The following RNGTT variants were observed in gnomAD, a reference collection of about 807,000 sequenced individuals.
RNGTT encodes the protein mRNA-capping enzyme.
A neutral mutation model predicts 79.3 loss-of-function variants in RNGTT; 33 were observed. The observed-to-expected ratio is 0.42, with a 90% CI of 0.32 to 0.56. RNGTT has a LOEUF of 0.56. Among genes scored for constraint, RNGTT ranks in the 20% least tolerant of loss-of-function variants. The pLI, the probability that RNGTT is intolerant of heterozygous loss-of-function variation, is 0.17. For missense variants in RNGTT, 497 were observed against 739.1 expected, an observed-to-expected ratio of 0.67 and a Z score of 3.80; for synonymous variants, 222 against 235.9, an observed-to-expected ratio of 0.94 and a Z score of 0.54.
chr6:88,728,588 A>G (rs1003391509), intron 13 of RNGTT, among the ~76,000 whole-genome samples: 4 of 152,220 alleles, frequency 2.6e-5, no homozygotes, highest in Admixed American at 2.0e-4. Flanking sequence ...AATCCTATAC[A>G]GGTTATTATC....
intron 6 of RNGTT, among the ~76,000 whole-genome samples, chr6:88,899,254 G>A (rs1316678547): frequency 6.7e-6 from 1 of 149,948 alleles, no homozygotes; most frequent in Non-Finnish European, 1.5e-5. Context: ...CAAAAAGAGA[G>A]AAAGAAGGTT....
At chr6:88,899,170 C>T (rs1205067961) in intron 6 of RNGTT, among the ~76,000 whole-genome samples, 1 of 151,162 alleles carries the variant, frequency 6.6e-6, no homozygotes, top group Non-Finnish European at 1.5e-5. Flanking sequence ...CCTAATTCGG[C>T]CTTTGGAGGT....
At chr6:88,810,297 T>A (rs1357329021) in intron 11 of RNGTT, among the ~76,000 whole-genome samples, 1 of 152,192 alleles carries the variant, frequency 6.6e-6, no homozygotes, top group Non-Finnish European at 1.5e-5. Flanking sequence ...ATGGTGAAGC[T>A]GATGAAATGT....
At chr6:88,616,746 T>C (rs1772239402) in intron 14 of RNGTT, among the ~76,000 whole-genome samples, 2 of 152,188 alleles carry the variant, frequency 1.3e-5, no homozygotes, top group Admixed American at 6.5e-5. Flanking sequence ...GGGTTGTTTA[T>C]TGTTGTTGAG....
Position 88,680,981 on chromosome 6 carries a change from C to T in RNGTT, c.1440-2562G>A, listed in dbSNP as rs535256654. The stretch of plus-strand genomic sequence containing the variant: ...ATCTAAGAAATGGAGAATTTCTTGG[C>T]CCATCATTTGACAAATAAGAAATTA... On this transcript the variant is annotated intron_variant, in intron 13 of 15. Coordinates refer to ENST00000369485, the MANE Select transcript of RNGTT (RefSeq NM_003800.5). Among the ~76,000 whole-genome samples, 8 of 152,148 alleles carry T rather than the reference C, an allele frequency of 5.3e-5. No homozygotes were observed. The South Asian group carries it at 1.5e-3, about 28-fold the overall frequency.
chr6:88,663,544 G>A (rs1774269680), intron 14 of RNGTT, among the ~76,000 whole-genome samples: 1 of 152,148 alleles, frequency 6.6e-6, no homozygotes, highest in Non-Finnish European at 1.5e-5. Flanking sequence ...CACCCGCCGA[G>A]GGAAGTCAGC....
At chr6:88,886,251 A>T (rs1280638346) in intron 8 of RNGTT, among the ~76,000 whole-genome samples, 2 of 152,172 alleles carry the variant, frequency 1.3e-5, no homozygotes, top group Non-Finnish European at 2.9e-5. Context: ...GCCTGCAGTA[A>T]GCAGAGATCG....
At chr6:88,690,039 T>C (rs1775424352) in intron 13 of RNGTT, among the ~76,000 whole-genome samples, 1 of 152,058 alleles carries the variant, frequency 6.6e-6, no homozygotes, top group Non-Finnish European at 1.5e-5. Context: ...TGCCAAAAAA[T>C]GCAAAAGACC....
chr6:88,704,830 G>A (rs1363330363), intron 13 of RNGTT, among the ~76,000 whole-genome samples: 2 of 150,086 alleles, frequency 1.3e-5, no homozygotes, highest in South Asian at 2.2e-4. Context: ...TATTCATCTT[G>A]GCTCTTTCCC....
chr6:88,677,894 T>C (rs76084252), intron 14 of RNGTT: 12,028 of 152,718 alleles, frequency 0.079, 720 homozygotes, highest in Non-Finnish European at 0.11. Flanking sequence ...GGCAAGAATA[T>C]TAAAATAATC....
intron 13 of RNGTT, among the ~76,000 whole-genome samples, chr6:88,740,828 C>T (rs1460625480): frequency 6.6e-6 from 1 of 152,040 alleles, no homozygotes; most frequent in African/African-American, 2.4e-5. Flanking sequence ...ACTACCATGG[C>T]ACACATATAC....
chr6:88,871,999 C>G (rs1203579091), intron 8 of RNGTT, among the ~76,000 whole-genome samples: 1 of 152,082 alleles, frequency 6.6e-6, no homozygotes, highest in Non-Finnish European at 1.5e-5. Context: ...TACACTGAAG[C>G]CTATTCTCCA....
At chr6:88,617,962 A>G (rs1772295516) in intron 14 of RNGTT, among the ~76,000 whole-genome samples, 1 of 152,142 alleles carries the variant, frequency 6.6e-6, no homozygotes, top group South Asian at 2.1e-4. Context: ...ATTTTATCAT[A>G]TGTACTTTAC....
At chr6:88,746,818 A>G (rs764761947) in intron 13 of RNGTT, among the ~76,000 whole-genome samples, 9 of 152,338 alleles carry the variant, frequency 5.9e-5, no homozygotes, top group South Asian at 2.1e-4. Context: ...ATTAATATCC[A>G]GACCTTTCAG....
At chr6:88,817,748 C>CTTTTTTTTTT in intron 11 of RNGTT, among the ~76,000 whole-genome samples, 1 of 99,996 alleles carries the variant, frequency 1.0e-5, no homozygotes, top group Admixed American at 1.1e-4. Flanking sequence ...CTATTCACAT[C>CTTTTTTTTTT]ATTTTTTTTT....
intron 12 of RNGTT, among the ~76,000 whole-genome samples, chr6:88,787,484 C>A (rs1779266336): frequency 6.6e-6 from 1 of 152,066 alleles, no homozygotes; most frequent in African/African-American, 2.4e-5. Context: ...CATGGTGAAA[C>A]CCCGTCTCTA....
intron 12 of RNGTT, among the ~76,000 whole-genome samples, chr6:88,797,573 T>C (rs1402024045): frequency 6.6e-6 from 1 of 152,012 alleles, no homozygotes; most frequent in Non-Finnish European, 1.5e-5. Context: ...TTTGACTGCA[T>C]TGATAAAAAG....
intron 13 of RNGTT, among the ~76,000 whole-genome samples, chr6:88,724,329 T>C (rs1776811117): frequency 6.6e-6 from 1 of 152,222 alleles, no homozygotes; most frequent in South Asian, 2.1e-4. Flanking sequence ...TTTTGTACCT[T>C]ATTTTTACTG....
chr6:88,618,825 CTT>C (rs1213124679), intron 14 of RNGTT, among the ~76,000 whole-genome samples: 1 of 152,166 alleles, frequency 6.6e-6, no homozygotes, highest in Non-Finnish European at 1.5e-5. Flanking sequence ...AAAAGTTTCA[CTT>C]ATTAATTTTG....
Sources: allele counts gnomAD v4.1 joint callset (sites outside exome capture counted in the v4.1 genomes callset), GRCh38; gene constraint gnomAD v4.1.1; transcripts MANE v1.5; gene names NCBI Gene and HGNC (gene_info 2026-07-23, HGNC 2026-07-21).